Variants in ERC2 observed in about 807,000 individuals in gnomAD.
ERC2 encodes the protein ELKS/RAB6-interacting/CAST family member 2, also known as ERC protein 2.
Under a neutral mutation model 114.8 loss-of-function variants are expected in ERC2, and 42 were observed. The ratio of observed to expected loss-of-function variants is 0.37; its 90% CI spans 0.29 to 0.47. The LOEUF (loss-of-function observed/expected upper bound fraction) is 0.47. ERC2 is among the 20% of genes least tolerant of loss of function. The pLI, the probability that ERC2 is intolerant of heterozygous loss-of-function variation, is 0.99. For missense variants in ERC2, 939 were observed against 1,150.7 expected (o/e 0.82, Z 2.66); for synonymous variants, 454 against 425.5 (o/e 1.07, Z -0.82).
intron 1 of ERC2, among the ~76,000 whole-genome samples, chr3:56,457,761 G>T (rs977354448): frequency 7.9e-5 from 12 of 152,050 alleles, no homozygotes; most frequent in African/African-American, 2.9e-4. Flanking sequence ...GCTTACCTTT[G>T]GACCTAGTGC....
intron 2 of ERC2, among the ~76,000 whole-genome samples, chr3:56,351,953 G>A (rs2058568999): frequency 6.6e-6 from 1 of 152,154 alleles, no homozygotes; most frequent in East Asian, 1.9e-4. Context: ...ATGAGATACA[G>A]GGAGTAGAGG....
chr3:56,270,178 AAAAG>A (rs199635547), intron 3 of ERC2, among the ~76,000 whole-genome samples: 17,897 of 151,788 alleles, frequency 0.12, 1,679 homozygotes, highest in African/African-American at 0.25. Context: ...CTAAAAAAAA[AAAAG>A]AAAGAAAAAC....
At chr3:55,788,563 C>T (rs1361960867) in intron 14 of ERC2, among the ~76,000 whole-genome samples, 1 of 152,086 alleles carries the variant, frequency 6.6e-6, no homozygotes, top group Non-Finnish European at 1.5e-5. Flanking sequence ...GCATATAATT[C>T]GGATGATATA....
intron 14 of ERC2, among the ~76,000 whole-genome samples, chr3:55,865,118 G>A (rs773936267): frequency 9.9e-5 from 15 of 151,922 alleles, no homozygotes; most frequent in Non-Finnish European, 2.2e-4. Context: ...AAAGCCCTTT[G>A]TATATATCTA....
Position 55,653,564 on chromosome 3 carries a change from A to AGTGTGT in ERC2, c.*39+30224_*39+30229dup, listed in dbSNP as rs36231107. 2.1e-3 allele frequency among the ~76,000 whole-genome samples: 290 copies of AGTGTGT among 141,282 alleles called. 1 individual carries two copies. The highest frequency in any genetic ancestry group is 7.1e-3 in the African/African-American group (271 of 38,118). The allele number at this position is 141,282 out of a possible 152,430, so 92.7% of individuals were successfully genotyped here. On this transcript the variant is annotated intron_variant, in intron 17 of 17. Transcript: ENST00000288221. ...ATAGAACAATCTCAAACCTGGTAAA[A>AGTGTGT]GTGTGTGTGTGTGTGTGTGTGTGTG...
At chr3:55,520,358 C>T (rs1177599743) in intron 17 of ERC2, among the ~76,000 whole-genome samples, 1 of 150,130 alleles carries the variant, frequency 6.7e-6, no homozygotes, top group African/African-American at 2.5e-5. Flanking sequence ...ATTGTTTGAA[C>T]CCAGGAGGCC....
intron 3 of ERC2, among the ~76,000 whole-genome samples, chr3:56,176,845 C>A (rs1162627891): frequency 6.6e-6 from 1 of 152,218 alleles, no homozygotes; most frequent in Non-Finnish European, 1.5e-5. Flanking sequence ...GGAGGCCCCA[C>A]AACCACTACC....
chr3:56,313,033 T>TATAC (rs2056679529), intron 2 of ERC2, among the ~76,000 whole-genome samples: 1 of 134,172 alleles, frequency 7.5e-6, no homozygotes, highest in African/African-American at 2.7e-5. Context: ...TATATATATA[T>TATAC]ATATGGGGTG....
chr3:56,133,566 T>C (rs1338556676), intron 6 of ERC2, among the ~76,000 whole-genome samples: 3 of 152,236 alleles, frequency 2.0e-5, no homozygotes, highest in African/African-American at 7.2e-5. Context: ...CATTTGGAGC[T>C]GGGAACCCAG....
At chr3:55,842,496 T>A (rs2061176982) in intron 14 of ERC2, among the ~76,000 whole-genome samples, 1 of 152,198 alleles carries the variant, frequency 6.6e-6, no homozygotes, top group Admixed American at 6.5e-5. Context: ...CCCTGCTATC[T>A]CAAGTTTAAC....
chr3:56,408,402 A>G (rs960628547), intron 2 of ERC2, among the ~76,000 whole-genome samples: 16 of 152,108 alleles, frequency 1.1e-4, no homozygotes, highest in African/African-American at 3.9e-4. Context: ...AACCCAAGCA[A>G]TCTGGGTTAA....
intron 2 of ERC2, among the ~76,000 whole-genome samples, chr3:56,348,015 A>C (rs1373485183): frequency 6.6e-6 from 1 of 152,222 alleles, no homozygotes; most frequent in Non-Finnish European, 1.5e-5. Context: ...TTTCTTGAAC[A>C]CTATGGAGTG....
At chr3:55,891,821 T>G (rs2063620470) in intron 13 of ERC2, among the ~76,000 whole-genome samples, 2 of 152,184 alleles carry the variant, frequency 1.3e-5, no homozygotes, top group South Asian at 4.1e-4. Context: ...TTGTTATTCT[T>G]GCGGTCCCAT....
chr3:56,107,499 T>C (rs952173572), intron 6 of ERC2, among the ~76,000 whole-genome samples: 1 of 152,150 alleles, frequency 6.6e-6, no homozygotes, highest in African/African-American at 2.4e-5. Context: ...ACCCAGTCTC[T>C]GCTTCAGTTT....
At chr3:55,553,879 A>C (rs2055411440) in intron 17 of ERC2, among the ~76,000 whole-genome samples, 1 of 152,198 alleles carries the variant, frequency 6.6e-6, no homozygotes, top group Non-Finnish European at 1.5e-5. Flanking sequence ...AATTGGAAAC[A>C]ATGACTATGT....
intron 17 of ERC2, among the ~76,000 whole-genome samples, chr3:55,644,098 C>T (rs1034316740): frequency 2.6e-5 from 4 of 152,034 alleles, no homozygotes; most frequent in Admixed American, 1.3e-4. Flanking sequence ...GCCCAGTGGC[C>T]GGCCAGTCCA....
intron 15 of ERC2, 51 bp from the exon 16 acceptor site, chr3:55,699,563 T>C (rs2063116910): frequency 6.4e-7 from 1 of 1,555,788 alleles, no homozygotes; most frequent in South Asian, 1.2e-5. Flanking sequence ...AGAAGATCAG[T>C]CAAAGAGATT....
intron 12 of ERC2, among the ~76,000 whole-genome samples, chr3:55,952,180 C>CACACACTATATATA (rs1553749407): frequency 3.9e-5 from 1 of 25,566 alleles, no homozygotes; most frequent in Non-Finnish European, 8.4e-5. Context: ...CACACACACA[C>CACACACTATATATA]TCTCTCTCTC....
At chr3:55,973,693 C>A (rs944228645) in intron 12 of ERC2, among the ~76,000 whole-genome samples, 1 of 152,178 alleles carries the variant, frequency 6.6e-6, no homozygotes, top group African/African-American at 2.4e-5. Flanking sequence ...TAGAAAAATT[C>A]TTGCACACCA....
Sources: allele counts gnomAD v4.1 joint callset (sites outside exome capture counted in the v4.1 genomes callset), GRCh38; gene constraint gnomAD v4.1.1; transcripts MANE v1.5; gene names NCBI Gene and HGNC (gene_info 2026-07-23, HGNC 2026-07-21).